The following PLCG2 variants were observed in gnomAD, a reference collection of about 807,000 sequenced individuals.
PLCG2 encodes the protein 1-phosphatidylinositol 4,5-bisphosphate phosphodiesterase gamma-2.
In PLCG2, 69 loss-of-function variants were observed where a neutral mutation model predicts 175.6. The observed-to-expected ratio is 0.39, with a 90% CI of 0.32 to 0.48. PLCG2 has a LOEUF of 0.48. Ranked by LOEUF, PLCG2 falls within the 20% of genes least tolerant of loss-of-function variation. PLCG2 has a pLI of 0.91. For missense variants in PLCG2, 1,798 were observed against 1,650.9 expected, an observed-to-expected ratio of 1.09 and a Z score of -1.54; for synonymous variants, 827 against 624.0, an observed-to-expected ratio of 1.33 and a Z score of -4.85.
intron 2 of PLCG2, among the ~76,000 whole-genome samples, chr16:81,756,442 G>C (rs1909929245): frequency 6.6e-6 from 1 of 152,218 alleles, no homozygotes. Flanking sequence ...CCATTTTACA[G>C]ATGAGGGAAC....
intron 19 of PLCG2, among the ~76,000 whole-genome samples, chr16:81,919,162 C>T (rs12444459): frequency 1.3e-5 from 2 of 151,972 alleles, no homozygotes; most frequent in South Asian, 2.1e-4. Context: ...TGGTGGGACA[C>T]ATTTGGCCTA....
chr16:81,817,233 G>C (rs1356518988), intron 2 of PLCG2, among the ~76,000 whole-genome samples: 3 of 152,210 alleles, frequency 2.0e-5, no homozygotes, highest in African/African-American at 7.2e-5. Context: ...AGATCCGATG[G>C]GAAGAATCCT....
At chr16:81,867,165 C>A (rs750596273) in intron 5 of PLCG2, among the ~76,000 whole-genome samples, 5 of 152,196 alleles carry the variant, frequency 3.3e-5, no homozygotes, top group African/African-American at 9.7e-5. Flanking sequence ...TGGACCGTCT[C>A]CAGGGCAGCG....
At chr16:81,875,965 T>G (rs867664821) in intron 7 of PLCG2, among the ~76,000 whole-genome samples, 1 of 150,776 alleles carries the variant, frequency 6.6e-6, no homozygotes, top group Non-Finnish European at 1.5e-5. Context: ...AAGAGGAGAG[T>G]CCACAGTGGA....
chr16:81,861,442 A>AC (rs1906975644), intron 5 of PLCG2, among the ~76,000 whole-genome samples: 2 of 152,210 alleles, frequency 1.3e-5, no homozygotes, highest in South Asian at 4.1e-4. Flanking sequence ...GGAACTATTA[A>AC]CTAGGAAGTG....
Position 81,755,523 on chromosome 16 carries a change from C to T in PLCG2, c.-144-347C>T, listed in dbSNP as rs118003589. Among the ~76,000 whole-genome samples, 397 of 151,224 alleles carry T rather than the reference C, an allele frequency of 2.6e-3. 3 individuals are homozygous for T. The East Asian group carries it at 0.039, about 15-fold the overall frequency. On this transcript the variant is annotated intron_variant, in intron 1 of 5. Transcript: ENST00000565054. ...ACCTGGCTTCAGCCTGTTTCTTTAA[C>T]GTCAGCTTCTCTTATTTTTTGAGAC...
rs563397122 is a variant in PLCG2 at position 81,942,296 on chromosome 16, G to A, written c.3481+2237G>A. Among the ~76,000 whole-genome samples, 105 of 152,306 alleles carry A rather than the reference G, an allele frequency of 6.9e-4. 1 individual carries two copies. The highest frequency in any genetic ancestry group is 1.2e-3 in the Non-Finnish European group (83 of 68,036). ...GGCATCAAAGTGTGTCAATTCATCTGCAGAATGCAATGACTTAGCTTGGAG... is the reference window on the plus strand; with the variant it reads ...GGCATCAAAGTGTGTCAATTCATCTACAGAATGCAATGACTTAGCTTGGAG... On this transcript the variant is annotated intron_variant, in intron 30 of 32. Coordinates refer to ENST00000564138, the MANE Select transcript of PLCG2 (RefSeq NM_002661.5).
chr16:81,773,747 A>G (rs1910332160), intron 2 of PLCG2, among the ~76,000 whole-genome samples: 1 of 151,758 alleles, frequency 6.6e-6, no homozygotes, highest in African/African-American at 2.4e-5. Context: ...TCGCAGACTC[A>G]CTCCTCCACA....
chr16:81,789,781 C>T (rs901260417), intron 2 of PLCG2, among the ~76,000 whole-genome samples: 1 of 151,988 alleles, frequency 6.6e-6, no homozygotes, highest in Non-Finnish European at 1.5e-5. Flanking sequence ...TCCACCTTCC[C>T]CCTCCTCTCC....
chr16:81,871,854 G>A (rs947809482), intron 7 of PLCG2, among the ~76,000 whole-genome samples: 1 of 151,684 alleles, frequency 6.6e-6, no homozygotes, highest in African/African-American at 2.4e-5. Context: ...CCATCTGAAT[G>A]TCTCAATGGA....
chr16:81,938,669 TC>T (rs1434101414), intron 28 of PLCG2, 131 bp from the exon 29 acceptor site: 7 of 613,154 alleles, frequency 1.1e-5, no homozygotes, highest in Non-Finnish European at 2.0e-5. Context: ...CTCCGGCTTT[TC>T]CAGTGAATCT....
At chr16:81,884,774 A>G (rs1908271764) in intron 9 of PLCG2, among the ~76,000 whole-genome samples, 1 of 152,122 alleles carries the variant, frequency 6.6e-6, no homozygotes, top group South Asian at 2.1e-4. Context: ...AAGTTCATTT[A>G]CTTAAAAAAC....
intron 22 of PLCG2, among the ~76,000 whole-genome samples, chr16:81,924,296 C>G (rs954642549): frequency 2.6e-5 from 4 of 152,262 alleles, no homozygotes; most frequent in African/African-American, 9.6e-5. Flanking sequence ...TTAAGCACCT[C>G]ATAGACTGGC....
At chr16:81,807,481 A>G (rs1352647117) in intron 2 of PLCG2, among the ~76,000 whole-genome samples, 1 of 152,230 alleles carries the variant, frequency 6.6e-6, no homozygotes, top group Non-Finnish European at 1.5e-5. Flanking sequence ...CCACATCGTC[A>G]TCATTGTCAT....
chr16:81,858,204 G>T (rs1381294535), intron 3 of PLCG2, 59 bp from the exon 4 acceptor site: 5 of 1,214,062 alleles, frequency 4.1e-6, no homozygotes, highest in Non-Finnish European at 4.9e-6. Context: ...GCAGGGCTTT[G>T]TAAGCAGACG....
chr16:81,870,440 G>A lies in PLCG2; in HGVS notation c.565-412G>A, dbSNP rs78539888. ...TACGTACTCTACAAATATGTCTGAA[G>A]TTGGAAGTCCAAAGAGAGTGTTTTC... On this transcript the variant is annotated intron_variant, in intron 6 of 32. Coordinates refer to ENST00000564138, the MANE Select transcript of PLCG2 (RefSeq NM_002661.5). 3.3e-5 allele frequency among the ~76,000 whole-genome samples: 5 copies of A among 152,318 alleles called. No homozygotes were observed. In the East Asian group the frequency reaches 9.6e-4, roughly 29 times the overall value.
At chr16:81,790,049 C>A (rs1469785294) in intron 2 of PLCG2, among the ~76,000 whole-genome samples, 1 of 152,238 alleles carries the variant, frequency 6.6e-6, no homozygotes, top group Non-Finnish European at 1.5e-5. Context: ...CCTCCACTCT[C>A]TGAACTTTAA....
At chr16:81,829,837 C>T (rs953391791) in intron 2 of PLCG2, among the ~76,000 whole-genome samples, 2 of 151,890 alleles carry the variant, frequency 1.3e-5, no homozygotes, top group Non-Finnish European at 2.9e-5. Flanking sequence ...GCTGTGGTAG[C>T]TGTGGATGGG....
chr16:81,744,312 C>T (rs1909661027), intron 1 of PLCG2, among the ~76,000 whole-genome samples: 1 of 151,666 alleles, frequency 6.6e-6, no homozygotes, highest in South Asian at 2.1e-4. Context: ...TTACAGGTGC[C>T]CGCCACCAAG....
Sources: allele counts gnomAD v4.1 joint callset (sites outside exome capture counted in the v4.1 genomes callset), GRCh38; gene constraint gnomAD v4.1.1; transcripts MANE v1.5; gene names NCBI Gene and HGNC (gene_info 2026-07-23, HGNC 2026-07-21).